The following ST8SIA4 variants were observed in gnomAD, a reference collection of about 807,000 sequenced individuals.
The protein encoded by ST8SIA4 is ST8 alpha-N-acetyl-neuraminide alpha-2,8-sialyltransferase 4, also known as CMP-N-acetylneuraminate-poly-alpha-2,8-sialyltransferase.
A neutral mutation model predicts 33.9 loss-of-function variants in ST8SIA4; 15 were observed. The observed-to-expected ratio is 0.44, with a 90% CI of 0.30 to 0.68. The LOEUF (loss-of-function observed/expected upper bound fraction) is 0.68. ST8SIA4 is among the 30% of genes least tolerant of loss of function. The pLI is 0.10. For synonymous variants in ST8SIA4, 171 were observed against 151.2 expected (o/e 1.13, Z -0.96); for missense variants, 321 against 428.0 (o/e 0.75, Z 2.21).
chr5:100,829,638 G>A (rs919202887), intron 4 of ST8SIA4, among the ~76,000 whole-genome samples: 4 of 152,126 alleles, frequency 2.6e-5, no homozygotes, highest in Admixed American at 6.6e-5. Flanking sequence ...GGCCGGGCGC[G>A]ATGGCTCACA....
At chr5:100,839,634 T>A (rs763327807) in intron 4 of ST8SIA4, among the ~76,000 whole-genome samples, 8 of 151,988 alleles carry the variant, frequency 5.3e-5, no homozygotes, top group African/African-American at 9.7e-5. Context: ...TCAAGATCTG[T>A]GATAACTTAT....
intron 4 of ST8SIA4, among the ~76,000 whole-genome samples, chr5:100,838,295 T>C (rs1469443470): frequency 6.6e-6 from 1 of 151,982 alleles, no homozygotes; most frequent in Non-Finnish European, 1.5e-5. Context: ...ACTTAGATGT[T>C]GACAGTTAAT....
At chr5:100,841,214 T>C (rs1321733988) in intron 4 of ST8SIA4, among the ~76,000 whole-genome samples, 1 of 151,920 alleles carries the variant, frequency 6.6e-6, no homozygotes, top group Admixed American at 6.6e-5. Context: ...AAGTTGAGTA[T>C]GTAAAATTAT....
intron 3 of ST8SIA4, among the ~76,000 whole-genome samples, chr5:100,871,998 T>C (rs1052508635): frequency 2.0e-5 from 3 of 152,206 alleles, no homozygotes; most frequent in East Asian, 3.9e-4. Context: ...TCTCTTTATA[T>C]ATGACTCCTC....
intron 1 of ST8SIA4, among the ~76,000 whole-genome samples, chr5:100,900,764 G>A (rs1372095343): frequency 7.6e-6 from 1 of 132,290 alleles, no homozygotes; most frequent in African/African-American, 2.7e-5. Context: ...TTTGGGTGGG[G>A]GGTGGGGGTG....
intron 4 of ST8SIA4, among the ~76,000 whole-genome samples, chr5:100,813,907 T>C (rs1259857611): frequency 2.0e-5 from 3 of 151,970 alleles, no homozygotes; most frequent in African/African-American, 7.2e-5. Context: ...TTAGGCAAAG[T>C]CAATGATTAG....
chr5:100,845,122 TCAAC>T (rs1424467257), intron 4 of ST8SIA4, among the ~76,000 whole-genome samples: 2 of 152,040 alleles, frequency 1.3e-5, no homozygotes, highest in African/African-American at 4.8e-5. Flanking sequence ...GATTATATGA[TCAAC>T]CACATGAGAC....
intron 2 of ST8SIA4, chr5:100,890,911 A>G (rs1328463858): frequency 6.6e-6 from 1 of 151,954 alleles, no homozygotes; most frequent in Non-Finnish European, 1.5e-5. Flanking sequence ...GACAACAAGT[A>G]GAGTTCTACC....
intron 3 of ST8SIA4, among the ~76,000 whole-genome samples, chr5:100,862,977 G>T (rs912447499): frequency 6.6e-6 from 1 of 152,214 alleles, no homozygotes; most frequent in African/African-American, 2.4e-5. Context: ...CAAAAGTTCA[G>T]TTGCATATGT....
At chr5:100,888,322 A>T (rs1275556763) in intron 2 of ST8SIA4, among the ~76,000 whole-genome samples, 1 of 151,944 alleles carries the variant, frequency 6.6e-6, no homozygotes, top group Non-Finnish European at 1.5e-5. Flanking sequence ...GTATGTGGTC[A>T]AGTTATTACC....
At chr5:100,900,043 G>A (rs1752866745) in intron 1 of ST8SIA4, among the ~76,000 whole-genome samples, 1 of 152,182 alleles carries the variant, frequency 6.6e-6, no homozygotes, top group Admixed American at 6.6e-5. Flanking sequence ...AGAAGGTTGT[G>A]CTGGTTTTCT....
Position 100,811,836 on chromosome 5 carries a change from C to T in ST8SIA4, c.*11G>A, listed in dbSNP as rs374903878. The T allele has an allele frequency of 6.9e-6, 11 of 1,590,448 alleles. No individual in the cohort carries two copies. The highest frequency in any genetic ancestry group is 1.4e-5 in the African/African-American group (1 of 73,718). On this transcript the variant is annotated 3_prime_UTR_variant, in exon 5 of 5. Transcript: ENST00000231461. ...GAAAAGAAGTGCATATTGTTTGTTT[C>T]AAAATGTGCTTTATTGCTTTACACA... is the stretch of plus-strand genomic sequence containing the variant.
chr5:100,840,382 G>GT (rs933645787), intron 4 of ST8SIA4, among the ~76,000 whole-genome samples: 15 of 150,954 alleles, frequency 9.9e-5, no homozygotes, highest in Admixed American at 2.0e-4. Context: ...CAATTTTAGA[G>GT]TTTTTTTTTA....
chr5:100,891,201 T>A (rs1752653279), intron 2 of ST8SIA4, among the ~76,000 whole-genome samples: 1 of 151,976 alleles, frequency 6.6e-6, no homozygotes, highest in African/African-American at 2.4e-5. Flanking sequence ...ATAGGTGGAA[T>A]GTATCACAAG....
chr5:100,826,696 G>C (rs758023155), intron 4 of ST8SIA4, among the ~76,000 whole-genome samples: 2 of 151,954 alleles, frequency 1.3e-5, no homozygotes, highest in Non-Finnish European at 2.9e-5. Flanking sequence ...TTAAAATCAA[G>C]AGTTTCTGAG....
intron 4 of ST8SIA4, among the ~76,000 whole-genome samples, chr5:100,847,087 C>G (rs1190500480): frequency 6.6e-6 from 1 of 152,044 alleles, no homozygotes; most frequent in Non-Finnish European, 1.5e-5. Flanking sequence ...TACGCGGCAT[C>G]TAGCTACTCA....
chr5:100,887,575 A>AATATATGC (rs770670244), intron 2 of ST8SIA4, among the ~76,000 whole-genome samples: 9 of 152,098 alleles, frequency 5.9e-5, no homozygotes, highest in Admixed American at 2.0e-4. Context: ...CATGAACGTA[A>AATATATGC]ATATATGCAT....
At chr5:100,864,597 A>C (rs1191527611) in intron 3 of ST8SIA4, among the ~76,000 whole-genome samples, 1 of 133,578 alleles carries the variant, frequency 7.5e-6, no homozygotes, top group Non-Finnish European at 1.7e-5. Flanking sequence ...AAAAAAAAAA[A>C]AAAAAAGCCA....
At chr5:100,849,053 G>A in intron 4 of ST8SIA4, 3 of 820,640 alleles carry the variant, frequency 3.7e-6, no homozygotes, top group Non-Finnish European at 4.4e-6. Context: ...TGACTTTAAA[G>A]AAGAAATACT....
Sources: allele counts gnomAD v4.1 joint callset (sites outside exome capture counted in the v4.1 genomes callset), GRCh38; gene constraint gnomAD v4.1.1; transcripts MANE v1.5; gene names NCBI Gene and HGNC (gene_info 2026-07-23, HGNC 2026-07-21).